KCNAB1: variants seen among roughly 807,000 people sequenced by gnomAD.
KCNAB1 encodes potassium voltage-gated channel subfamily A regulatory beta subunit 1.
KCNAB1 carries 35 observed loss-of-function variants against 64.6 expected under a neutral mutation model. That is an observed-to-expected ratio of 0.54 (90% CI 0.41 to 0.72). KCNAB1 has a LOEUF of 0.72. Among genes scored for constraint, KCNAB1 ranks in the 30% least tolerant of loss-of-function variants. The pLI is 0.00. For synonymous variants in KCNAB1, 177 were observed against 183.8 expected, an observed-to-expected ratio of 0.96 and a Z score of 0.30; for missense variants, 401 against 512.9, an observed-to-expected ratio of 0.78 and a Z score of 2.11.
intron 1 of KCNAB1, among the ~76,000 whole-genome samples, chr3:156,218,801 A>AAAAAAAAAAAAAAAAAAAAAAAAAT (rs371264941): frequency 8.9e-6 from 1 of 112,246 alleles, no homozygotes; most frequent in Non-Finnish European, 1.7e-5. Flanking sequence ...AAAAAAAAAA[A>AAAAAAAAAAAAAAAAAAAAAAAAAT]AATAATAATA....
chr3:156,266,346 C>T (rs930167661), intron 1 of KCNAB1, among the ~76,000 whole-genome samples: 2 of 152,124 alleles, frequency 1.3e-5, no homozygotes, highest in African/African-American at 4.8e-5. Flanking sequence ...TTAGAGATAA[C>T]GTAGAAATCT....
chr3:156,153,331 A>G (rs550360972), intron 1 of KCNAB1, among the ~76,000 whole-genome samples: 1 of 152,174 alleles, frequency 6.6e-6, no homozygotes, highest in Non-Finnish European at 1.5e-5. Flanking sequence ...GGATTTTAAG[A>G]TGCTTTGAGG....
At position 156,474,743 on chromosome 3, in the gene KCNAB1, G is replaced by A; in HGVS notation, c.581G>A (p.Gly194Asp). ...CTGCTTCTGCTCCCAGGATTGAAGGGCTCCCTCCAGAGGCTGCAGCTCGAG... is the reference window on the plus strand; with the variant it reads ...CTGCTTCTGCTCCCAGGATTGAAGGACTCCCTCCAGAGGCTGCAGCTCGAG... Reference protein sequence around the residue: ...SRKHIIEGLKGSLQRLQLEYV... With the variant: ...SRKHIIEGLKDSLQRLQLEYV... Residue 194 changes from glycine to aspartate, a missense_variant, in exon 8 of 14, where the codon GGC becomes GAC. Gly to Asp is a moderately conservative substitution (Grantham distance 94). Coordinates refer to ENST00000490337, the MANE Select transcript of KCNAB1 (RefSeq NM_172160.3). The A allele has an allele frequency of 6.2e-7, 1 of 1,612,946 alleles. No individual in the cohort carries two copies. Among genetic ancestry groups the A allele is most frequent in the African/African-American group, 1.3e-5 (1 of 74,942 alleles).
chr3:156,164,632 A>G (rs963968078), intron 1 of KCNAB1, among the ~76,000 whole-genome samples: 6 of 152,242 alleles, frequency 3.9e-5, no homozygotes, highest in Non-Finnish European at 8.8e-5. Context: ...GGAGAAAAAC[A>G]TGCTAGATTT....
At chr3:156,523,224 T>C (rs938052349) in intron 11 of KCNAB1, among the ~76,000 whole-genome samples, 17 of 152,220 alleles carry the variant, frequency 1.1e-4, no homozygotes, top group Admixed American at 1.3e-4. Flanking sequence ...TTATCTACTT[T>C]AAAATTTTAA....
intron 1 of KCNAB1, among the ~76,000 whole-genome samples, chr3:156,182,721 G>A (rs1383219234): frequency 4.0e-5 from 5 of 124,522 alleles, no homozygotes; most frequent in African/African-American, 8.8e-5. Context: ...TTTATTTTGC[G>A]GAGTCTCTCT....
At chr3:156,449,134 G>A (rs922621914) in intron 2 of KCNAB1, among the ~76,000 whole-genome samples, 2 of 151,954 alleles carry the variant, frequency 1.3e-5, no homozygotes, top group Non-Finnish European at 2.9e-5. Context: ...TATGGAATAG[G>A]TATGTAATAA....
chr3:156,392,823 A>G (rs1272004256), intron 1 of KCNAB1, among the ~76,000 whole-genome samples: 1 of 152,222 alleles, frequency 6.6e-6, no homozygotes, highest in Non-Finnish European at 1.5e-5. Context: ...GGGTTATGAA[A>G]TATCCTTTTC....
chr3:156,184,857 C>T (rs981382652), intron 1 of KCNAB1, among the ~76,000 whole-genome samples: 1 of 152,196 alleles, frequency 6.6e-6, no homozygotes, highest in African/African-American at 2.4e-5. Context: ...GCCATTTTCC[C>T]TCCCATCCCT....
At chr3:156,428,859 C>T (rs1716018822) in intron 2 of KCNAB1, among the ~76,000 whole-genome samples, 1 of 152,186 alleles carries the variant, frequency 6.6e-6, no homozygotes. Flanking sequence ...ACCCCCATAC[C>T]TTTGGGTCCC....
intron 1 of KCNAB1, among the ~76,000 whole-genome samples, chr3:156,323,407 A>G (rs1232517065): frequency 1.3e-5 from 2 of 152,112 alleles, no homozygotes; most frequent in African/African-American, 4.8e-5. Context: ...ATTTGTGTTT[A>G]TTTACATCAT....
intron 1 of KCNAB1, chr3:156,291,298 C>T: frequency 1.0e-6 from 1 of 989,748 alleles, no homozygotes. Context: ...CCACGTCCTC[C>T]CGGAGCGGAG....
At chr3:156,311,068 A>G (rs1278905749) in intron 1 of KCNAB1, among the ~76,000 whole-genome samples, 2 of 151,974 alleles carry the variant, frequency 1.3e-5, no homozygotes, top group East Asian at 1.9e-4. Flanking sequence ...AAGACCCCCC[A>G]CCCTTCTTCT....
At chr3:156,252,944 T>C (rs1054730792) in intron 1 of KCNAB1, among the ~76,000 whole-genome samples, 1 of 152,214 alleles carries the variant, frequency 6.6e-6, no homozygotes, top group African/African-American at 2.4e-5. Flanking sequence ...TTTCCTAACA[T>C]AACCTGTAGT....
chr3:156,135,566 C>T (rs1027964750), intron 1 of KCNAB1, among the ~76,000 whole-genome samples: 2 of 152,140 alleles, frequency 1.3e-5, no homozygotes, highest in Admixed American at 1.3e-4. Context: ...TCTAGTTAGA[C>T]TCCTAGATAT....
chr3:156,354,838 T>G (rs1381255190), intron 1 of KCNAB1, among the ~76,000 whole-genome samples: 3 of 152,082 alleles, frequency 2.0e-5, no homozygotes, highest in African/African-American at 7.2e-5. Flanking sequence ...CAACTTGCAA[T>G]GTATCTGGTT....
chr3:156,287,425 T>C (rs533613138), intron 1 of KCNAB1, among the ~76,000 whole-genome samples: 1 of 151,328 alleles, frequency 6.6e-6, no homozygotes, highest in Non-Finnish European at 1.5e-5. Context: ...TAATAAATCC[T>C]CTATATGGTG....
intron 1 of KCNAB1, among the ~76,000 whole-genome samples, chr3:156,234,654 A>T (rs954345220): frequency 8.5e-5 from 13 of 152,174 alleles, no homozygotes; most frequent in Admixed American, 7.2e-4. Context: ...AGGGAAGCAG[A>T]GTATGATTTC....
chr3:156,531,565 G>A, intron 13 of KCNAB1, 68 bp downstream of exon 13: 1 of 1,140,994 alleles, frequency 8.8e-7, no homozygotes, highest in Non-Finnish European at 1.3e-6. Context: ...TCCAGGCAGT[G>A]TCCCATCTCT....
Sources: allele counts gnomAD v4.1 joint callset (sites outside exome capture counted in the v4.1 genomes callset), GRCh38; gene constraint gnomAD v4.1.1; transcripts MANE v1.5; gene names NCBI Gene and HGNC (gene_info 2026-07-23, HGNC 2026-07-21).